CTNNA3: variants seen among roughly 807,000 people sequenced by gnomAD.
CTNNA3 encodes catenin alpha 3.
In CTNNA3, 76 loss-of-function variants were observed where a neutral mutation model predicts 95.7. The observed-to-expected ratio is 0.79, with a 90% CI of 0.66 to 0.96. The LOEUF is 0.96. CTNNA3 is among the 40% of genes least tolerant of loss of function. The pLI is 0.00. For missense variants in CTNNA3, 1,191 were observed against 1,089.8 expected (o/e 1.09, Z -1.31); for synonymous variants, 431 against 374.4 (o/e 1.15, Z -1.74).
intron 13 of CTNNA3, among the ~76,000 whole-genome samples, chr10:66,199,806 T>TA (rs1554887153): frequency 7.4e-3 from 66 of 8,952 alleles, no homozygotes; most frequent in Middle Eastern, 0.17. Flanking sequence ...TATATATATA[T>TA]TTTTTTTTTT....
At chr10:67,092,453 C>A (rs1051245035) in intron 7 of CTNNA3, among the ~76,000 whole-genome samples, 4 of 151,822 alleles carry the variant, frequency 2.6e-5, no homozygotes, top group Admixed American at 2.6e-4. Context: ...GTATTTTGTA[C>A]TTTAAAAATA....
intron 7 of CTNNA3, among the ~76,000 whole-genome samples, chr10:67,136,922 G>C (rs915066377): frequency 6.6e-6 from 1 of 152,170 alleles, no homozygotes; most frequent in Non-Finnish European, 1.5e-5. Flanking sequence ...ATGAGTATTA[G>C]TTCATTTTTA....
At chr10:67,060,190 C>A (rs563384753) in intron 7 of CTNNA3, among the ~76,000 whole-genome samples, 2 of 152,106 alleles carry the variant, frequency 1.3e-5, no homozygotes, top group East Asian at 1.9e-4. Flanking sequence ...TGATGACATG[C>A]GCCTGTAGTC....
chr10:66,072,955 AG>A (rs1809727467), intron 14 of CTNNA3, among the ~76,000 whole-genome samples: 1 of 152,226 alleles, frequency 6.6e-6, no homozygotes, highest in African/African-American at 2.4e-5. Flanking sequence ...GCCATAAAAA[AG>A]AATGAAATCC....
chr10:66,243,558 A>G (rs1298115318), intron 13 of CTNNA3, among the ~76,000 whole-genome samples: 1 of 152,138 alleles, frequency 6.6e-6, no homozygotes, highest in Non-Finnish European at 1.5e-5. Context: ...GAATCCATCT[A>G]TGATCTGGAA....
In CTNNA3 at chr10:66,477,918, C is replaced by T. The variant is rs74494863; in HGVS notation, c.1531+42699G>A. Among the ~76,000 whole-genome samples the T allele has an allele frequency of 8.1e-3, 1,226 of 152,060 alleles. 16 individuals carry two copies. Among genetic ancestry groups the T allele is most frequent in the African/African-American group, 0.028 (1,160 of 41,506 alleles). ...CTTCTCATATCTTGCCTTAACTTCT[C>T]GAAACAAAAGGTAGTTAATTTTGAA... On this transcript the variant is annotated intron_variant, in intron 11 of 17. Transcript: ENST00000433211.
intron 5 of CTNNA3, among the ~76,000 whole-genome samples, chr10:67,491,858 G>C (rs10458635): frequency 0.11 from 17,219 of 151,638 alleles, 1,452 homozygotes; most frequent in East Asian, 0.31. Context: ...AATATAAGTG[G>C]AAAAAAAGTA....
At chr10:67,389,003 T>G (rs1844325221) in intron 5 of CTNNA3, among the ~76,000 whole-genome samples, 1 of 151,732 alleles carries the variant, frequency 6.6e-6, no homozygotes, top group African/African-American at 2.4e-5. Flanking sequence ...CTGCATCAAC[T>G]AACGAGCAAA....
intron 12 of CTNNA3, among the ~76,000 whole-genome samples, chr10:66,342,922 G>A (rs913394153): frequency 7.2e-5 from 11 of 152,046 alleles, no homozygotes; most frequent in African/African-American, 2.7e-4. Context: ...TGTGCAAAGG[G>A]CAGTAAGAAT....
intron 3 of CTNNA3, among the ~76,000 whole-genome samples, chr10:67,596,201 T>C (rs554568319): frequency 6.6e-6 from 1 of 152,330 alleles, no homozygotes; most frequent in African/African-American, 2.4e-5. Context: ...GTAGACTTGA[T>C]TATGTAGTTG....
In CTNNA3 at chr10:66,169,593, C is replaced by T. The variant is rs372658129; in HGVS notation, c.1885-66344G>A. Among the ~76,000 whole-genome samples the T allele has an allele frequency of 1.1e-4, 16 of 152,282 alleles. No homozygotes were observed. The South Asian group carries it at 2.7e-3, about 26-fold the overall frequency. On this transcript the variant is annotated intron_variant, in intron 13 of 17. Transcript: ENST00000433211. ...TTCTACTTTTAGTTCTTTAAGGAAC[C>T]TCCACACTGTTTTCCATAGTGGTTG...
intron 12 of CTNNA3, among the ~76,000 whole-genome samples, chr10:66,316,436 A>C (rs930096504): frequency 1.3e-5 from 2 of 152,002 alleles, no homozygotes; most frequent in African/African-American, 2.4e-5. Flanking sequence ...TAATTTTTTA[A>C]TTCCAGTTCT....
At chr10:66,058,673 T>C (rs1564609594) in intron 15 of CTNNA3, among the ~76,000 whole-genome samples, 2 of 152,236 alleles carry the variant, frequency 1.3e-5, no homozygotes, top group East Asian at 3.9e-4. Context: ...GGTTAATTCT[T>C]GAGTGCAACA....
chr10:66,195,957 C>G (rs976940053), intron 13 of CTNNA3, among the ~76,000 whole-genome samples: 17 of 152,082 alleles, frequency 1.1e-4, no homozygotes, highest in Non-Finnish European at 2.4e-4. Context: ...TGTTTCTTAG[C>G]TACACACACA....
chr10:67,235,803 CAA>C (rs1299892950), intron 5 of CTNNA3, among the ~76,000 whole-genome samples: 1 of 142,928 alleles, frequency 7.0e-6, no homozygotes, highest in East Asian at 2.1e-4. Context: ...ACAATGAACT[CAA>C]ACACATTTAC....
intron 7 of CTNNA3, among the ~76,000 whole-genome samples, chr10:66,897,572 C>A (rs1161945405): frequency 6.6e-6 from 1 of 152,104 alleles, no homozygotes; most frequent in African/African-American, 2.4e-5. Flanking sequence ...TGATTGTATA[C>A]TCCTGGTGGG....
Position 66,199,803 on chromosome 10 carries a change from ATATTTTT to A in CTNNA3, c.1884+80660_1884+80666del, listed in dbSNP as rs1564756554. Among the ~76,000 whole-genome samples the A allele has an allele frequency of 1.0e-3, 11 of 10,572 alleles. 1 individual carries two copies. Among genetic ancestry groups the A allele is most frequent in the African/African-American group, 5.4e-3 (11 of 2,038 alleles). 6.9% of individuals were successfully genotyped at this position (10,572 alleles called of 152,430 possible). A position where few individuals can be genotyped will look rare whatever the true frequency, so the allele number is the denominator to read the frequency against. The stretch of plus-strand genomic sequence containing the variant: ...TATATATATATATATATATATATAT[ATATTTTT>A]TTTTTTTTTTTTTTTTTTTTTTTAG... On this transcript the variant is annotated intron_variant, in intron 13 of 17. Transcript: ENST00000433211.
rs150335279 is a variant in CTNNA3 at position 67,610,087 on chromosome 10, G to T, written c.100-3038C>A. On this transcript the variant is annotated intron_variant, in intron 2 of 17. Coordinates refer to ENST00000433211, the MANE Select transcript of CTNNA3 (RefSeq NM_013266.4). ...GTTTAAAATCTTTGTTTAAAACAAA[G>T]AATAAGTATCATTGTCTGAAGTGTT... Among the ~76,000 whole-genome samples the T allele has an allele frequency of 3.3e-5, 5 of 152,242 alleles. No individual in the cohort carries two copies. The East Asian group carries it at 9.6e-4, about 29-fold the overall frequency.
chr10:66,693,713 A>G (rs1368898529), intron 9 of CTNNA3, among the ~76,000 whole-genome samples: 1 of 152,172 alleles, frequency 6.6e-6, no homozygotes, highest in Non-Finnish European at 1.5e-5. Flanking sequence ...AGTTGGAAGT[A>G]AAGCTTTCCT....
Sources: gnomAD v4.1 joint callset for allele counts (sites outside exome capture counted in the v4.1 genomes callset) on GRCh38, gnomAD v4.1.1 for gene constraint, MANE v1.5 for transcripts, NCBI Gene and HGNC (gene_info 2026-07-23, HGNC 2026-07-21) for gene names.